TDRD15: variants seen among roughly 807,000 people sequenced by gnomAD.
The protein encoded by TDRD15 is tudor domain containing 15.
For missense variants in TDRD15, 1,416 were observed against 904.7 expected (o/e 1.57, Z -7.25); for synonymous variants, 503 against 314.5 (o/e 1.60, Z -6.34).
chr2:21,142,641 C>T lies in TDRD15; in HGVS notation c.5174C>T (p.Thr1725Ile). The T allele has an allele frequency of 1.4e-6, 1 of 712,466 alleles. No individual in the cohort carries two copies. The allele number at this position is 712,466 out of a possible 1,614,324, so 44.1% of individuals were successfully genotyped here. ...PVSSCTIKSF[T>I]WVQFQNDRQY... Reference sequence around the variant, plus strand: ...TCATCATGCACAATAAAATCATTTACTTGGGTTCAATTCCAAAATGATAGG... The same window carrying T: ...TCATCATGCACAATAAAATCATTTATTTGGGTTCAATTCCAAAATGATAGG... The change falls in exon 4 of 4, where the codon ACT becomes ATT. Residue 1725 changes from threonine (T) to isoleucine (I), a missense_variant. Transcript: ENST00000405799.
Position 21,141,739 on chromosome 2 carries a change from C to A in TDRD15, c.4272C>A (p.Asp1424Glu), listed in dbSNP as rs1665937591. The part of the protein sequence containing the change: ...KWNEPDEIWD[D>E]KTVDYFTSKV... ...ATGAGCCTGATGAAATATGGGATGA[C>A]AAAACTGTGGATTATTTTACTTCGA... is the stretch of plus-strand genomic sequence containing the variant. Residue 1424 changes from aspartate to glutamate, a missense_variant, in exon 4 of 4, where the codon GAC (aspartate) becomes GAA (glutamate). Asp to Glu is a conservative substitution (Grantham distance 45, BLOSUM62 2). Coordinates refer to ENST00000405799, the MANE Select transcript of TDRD15 (RefSeq NM_001306137.2). The A allele has an allele frequency of 1.4e-6, 1 of 715,052 alleles. No homozygotes were observed. The highest frequency in any genetic ancestry group is 2.0e-5 in the Admixed American group (1 of 49,832). The allele number at this position is 715,052 out of a possible 1,614,324, so 44.3% of individuals were successfully genotyped here.
chr2:21,141,829 T>C lies in TDRD15; in HGVS notation c.4362T>C (p.Asn1454=), dbSNP rs1318594095. 1 of 714,588 alleles carries C rather than the reference T, an allele frequency of 1.4e-6. No homozygotes were observed. The highest frequency in any genetic ancestry group is 2.0e-5 in the Admixed American group (1 of 49,736). 44.3% of individuals were successfully genotyped at this position (714,588 alleles called of 1,614,324 possible). A position where few individuals can be genotyped will look rare whatever the true frequency, so the allele number is the denominator to read the frequency against. Residue 1454 remains asparagine (N), a synonymous_variant, in exon 4 of 4, where the codon AAT becomes AAC. Coordinates refer to ENST00000405799, the MANE Select transcript of TDRD15 (RefSeq NM_001306137.2). ...AGCATGATCAGAAATGGGAAGTAAATATGATTTGTGATGAAAAATGTGTCA... is the reference window on the plus strand; with the variant it reads ...AGCATGATCAGAAATGGGAAGTAAACATGATTTGTGATGAAAAATGTGTCA... ...LKKHDQKWEV[N]MICDEKCVIN... is the part of the protein sequence containing the mutation.
intron 3 of TDRD15, among the ~76,000 whole-genome samples, chr2:21,136,532 C>A (rs995850422): frequency 6.6e-6 from 1 of 151,916 alleles, no homozygotes; most frequent in Non-Finnish European, 1.5e-5. Context: ...GAGGTTCCCT[C>A]ATTTTGAGGG....
At position 21,142,893 on chromosome 2, in the gene TDRD15, C is replaced by T. The variant is rs1665964152; in HGVS notation, c.5426C>T (p.Ser1809Phe). Residue 1809 changes from serine (S) to phenylalanine (F), a missense_variant, in exon 4 of 4, where the codon TCT (serine) becomes TTT (phenylalanine). Ser to Phe is a radical substitution (Grantham distance 155). Coordinates refer to ENST00000405799, the MANE Select transcript of TDRD15 (RefSeq NM_001306137.2). ...GAAATTTCTGAAGTCTCACCTCAGTCTTTATGTCTTGTGTTGGTTGACTAT... is the reference window on the plus strand; with the variant it reads ...GAAATTTCTGAAGTCTCACCTCAGTTTTTATGTCTTGTGTTGGTTGACTAT... ...RVEISEVSPQSLCLVLVDYGF... is the reference protein window; with the variant it reads ...RVEISEVSPQFLCLVLVDYGF... 2.8e-6 allele frequency: 2 copies of T among 704,664 alleles called. No individual in the cohort carries two copies. The highest frequency in any genetic ancestry group is 5.3e-6 in the Non-Finnish European group (2 of 380,710). The allele number at this position is 704,664 out of a possible 1,614,324, so 43.7% of individuals were successfully genotyped here. A position where few individuals can be genotyped will look rare whatever the true frequency, so the allele number is the denominator to read the frequency against.
intron 1 of TDRD15, among the ~76,000 whole-genome samples, chr2:21,127,040 G>T (rs1421038610): frequency 6.6e-6 from 1 of 152,068 alleles, no homozygotes; most frequent in Non-Finnish European, 1.5e-5. Context: ...ATCTTAGTGC[G>T]ATTTAATTTG....
chr2:21,135,480 A>G (rs989197070), intron 3 of TDRD15, among the ~76,000 whole-genome samples: 10 of 151,954 alleles, frequency 6.6e-5, no homozygotes, highest in Non-Finnish European at 1.3e-4. Flanking sequence ...GTGCCAATTT[A>G]TAGAGGCTCA....
rs1281070105 is a variant in TDRD15 at position 21,137,826 on chromosome 2, G to T, written c.359G>T (p.Arg120Leu). The T allele has an allele frequency of 1.4e-6, 1 of 716,328 alleles. No homozygotes were observed. The highest frequency in any genetic ancestry group is 1.5e-5 in the South Asian group (1 of 67,490). The allele number at this position is 716,328 out of a possible 1,614,324, so 44.4% of individuals were successfully genotyped here. The change falls in exon 4 of 4, where the codon CGG (arginine) becomes CTG (leucine). Residue 120 changes from arginine (R) to leucine (L), a missense_variant. By Grantham distance (102) the Arg-to-Leu change is moderately radical. Transcript: ENST00000405799. Reference sequence around the variant, plus strand: ...GGCAATTTATTTGAGCTACCGCCACGGGTAGTATTTGGTATTTTTGCGAAT... The same window carrying T: ...GGCAATTTATTTGAGCTACCGCCACTGGTAGTATTTGGTATTTTTGCGAAT... ...ACGNLFELPP[R>L]VVFGIFANIL... is the part of the protein sequence containing the mutation.
rs1037530169 is a variant in TDRD15 at position 21,140,877 on chromosome 2, T to A, written c.3410T>A (p.Val1137Glu). The A allele has an allele frequency of 4.2e-6, 3 of 710,142 alleles. No individual in the cohort carries two copies. In the African/African-American group the frequency reaches 5.3e-5, roughly 13 times the overall value. The allele number at this position is 710,142 out of a possible 1,614,324, so 44.0% of individuals were successfully genotyped here. Residue 1137 changes from valine (V) to glutamate (E), a missense_variant, in exon 4 of 4, where the codon GTG (valine) becomes GAG (glutamate). By Grantham distance (121) the Val-to-Glu change is moderately radical. Coordinates refer to ENST00000405799, the MANE Select transcript of TDRD15 (RefSeq NM_001306137.2). ...GSQYINEKIK[V>E]LLHAYGKRHC... ...CAATATATAAATGAGAAAATTAAAG[T>A]GTTGCTTCATGCTTATGGAAAAAGA...
chr2:21,144,551 T>C (rs1446084106), downstream of TDRD15, among the ~76,000 whole-genome samples: 3 of 151,898 alleles, frequency 2.0e-5, no homozygotes, highest in Non-Finnish European at 2.9e-5. Context: ...TCTTTCCTGA[T>C]AGCAGTAGTG....
intron 1 of TDRD15, among the ~76,000 whole-genome samples, chr2:21,126,700 T>A (rs987371969): frequency 6.6e-6 from 1 of 152,244 alleles, no homozygotes; most frequent in African/African-American, 2.4e-5. Flanking sequence ...ATTGTATTGT[T>A]CCATTGTTTA....
chr2:21,142,334 A>C lies in TDRD15; in HGVS notation c.4867A>C (p.Thr1623Pro), dbSNP rs1250711981. Reference protein sequence around the residue: ...GIYEIVPVCNTKLLSNEIRNI... With the variant: ...GIYEIVPVCNPKLLSNEIRNI... ...CTATGAAATAGTACCTGTATGTAATACCAAGCTGCTTAGTAATGAAATAAG... is the reference window on the plus strand; with the variant it reads ...CTATGAAATAGTACCTGTATGTAATCCCAAGCTGCTTAGTAATGAAATAAG... Residue 1623 changes from threonine to proline, a missense_variant, in exon 4 of 4, where the codon ACC (threonine) becomes CCC (proline). Coordinates refer to ENST00000405799, the MANE Select transcript of TDRD15 (RefSeq NM_001306137.2). 1 of 689,080 alleles carries C rather than the reference A, an allele frequency of 1.5e-6. No homozygotes were observed. Among genetic ancestry groups the C allele is most frequent in the Admixed American group, 2.3e-5 (1 of 42,728 alleles). The allele number at this position is 689,080 out of a possible 1,614,324, so 42.7% of individuals were successfully genotyped here.
chr2:21,125,319 AAG>A (rs1461785307), intron 1 of TDRD15, among the ~76,000 whole-genome samples: 12 of 151,378 alleles, frequency 7.9e-5, no homozygotes, highest in Admixed American at 2.6e-4. Flanking sequence ...ATGTGTGAGA[AAG>A]AGATTGTAAT....
downstream of TDRD15, among the ~76,000 whole-genome samples, chr2:21,144,431 T>C (rs1666000427): frequency 6.6e-6 from 1 of 151,930 alleles, no homozygotes; most frequent in African/African-American, 2.4e-5. Flanking sequence ...AAATGTCTTG[T>C]TTTTATTGAT....
intron 1 of TDRD15, among the ~76,000 whole-genome samples, chr2:21,124,525 T>G (rs1665540733): frequency 6.9e-6 from 1 of 144,030 alleles, no homozygotes; most frequent in African/African-American, 2.6e-5. Context: ...CCAGGGTGTG[T>G]GTGTGTGAGA....
rs1185641786 is a variant in TDRD15 at position 21,142,136 on chromosome 2, A to G, written c.4669A>G (p.Ile1557Val). 2 of 678,718 alleles carry G rather than the reference A, an allele frequency of 2.9e-6. No individual in the cohort carries two copies. Among genetic ancestry groups the G allele is most frequent in the East Asian group, 2.7e-5 (1 of 36,978 alleles). 42.0% of individuals were successfully genotyped at this position (678,718 alleles called of 1,614,324 possible). ...SKNKKILSDLIVLITKEEKKS... is the reference protein window; with the variant it reads ...SKNKKILSDLVVLITKEEKKS... ...AAATAAAAAAATTTTATCAGATTTAATAGTATTAATTACGAAAGAAGAAAA... is the reference window on the plus strand; with the variant it reads ...AAATAAAAAAATTTTATCAGATTTAGTAGTATTAATTACGAAAGAAGAAAA... The change falls in exon 4 of 4, where the codon ATA becomes GTA. Residue 1557 changes from isoleucine (I) to valine (V), a missense_variant. Coordinates refer to ENST00000405799, the MANE Select transcript of TDRD15 (RefSeq NM_001306137.2).
At chr2:21,125,000 A>G (rs907168591) in intron 1 of TDRD15, among the ~76,000 whole-genome samples, 4 of 145,424 alleles carry the variant, frequency 2.8e-5, no homozygotes, top group East Asian at 4.2e-4. Flanking sequence ...TGTGAGTGTG[A>G]GAGAAATCCT....
At chr2:21,136,246 C>A (rs1665804827) in intron 3 of TDRD15, among the ~76,000 whole-genome samples, 1 of 151,956 alleles carries the variant, frequency 6.6e-6, no homozygotes, top group East Asian at 1.9e-4. Context: ...AACATTTAGA[C>A]TTTGGTGAGA....
chr2:21,128,797 C>CTT (rs572312845), intron 2 of TDRD15, among the ~76,000 whole-genome samples: 4 of 139,734 alleles, frequency 2.9e-5, no homozygotes, highest in African/African-American at 2.6e-5. Flanking sequence ...AATTTTGTTT[C>CTT]TTTTTTTTTT....
chr2:21,133,674 A>G (rs1231932158), intron 2 of TDRD15, among the ~76,000 whole-genome samples: 1 of 152,280 alleles, frequency 6.6e-6, no homozygotes, highest in Non-Finnish European at 1.5e-5. Context: ...ATAAGGAGTT[A>G]TTAATACAAG....
Sources: allele counts gnomAD v4.1 joint callset (sites outside exome capture counted in the v4.1 genomes callset), GRCh38; gene constraint gnomAD v4.1.1; transcripts MANE v1.5; gene names NCBI Gene and HGNC (gene_info 2026-07-23, HGNC 2026-07-21).